MIPOL1: variants seen among roughly 807,000 people sequenced by gnomAD.
MIPOL1 encodes the protein mirror-image polydactyly 1.
MIPOL1 carries 57 observed loss-of-function variants against 60.9 expected under a neutral mutation model. That is an observed-to-expected ratio of 0.94 (90% CI 0.76 to 1.17). The LOEUF is 1.17. Ranked by LOEUF, MIPOL1 falls within the 50% of genes most tolerant of loss-of-function variation. MIPOL1 has a pLI of 0.00. For synonymous variants in MIPOL1, 179 were observed against 168.8 expected (o/e 1.06, Z -0.47); for missense variants, 551 against 511.6 (o/e 1.08, Z -0.74).
chr14:37,258,220 A>C (rs1418847832), intron 3 of MIPOL1, among the ~76,000 whole-genome samples: 2 of 152,134 alleles, frequency 1.3e-5, no homozygotes, highest in Non-Finnish European at 2.9e-5. Context: ...GCACATATAA[A>C]GAAAGTTTGT....
intron 11 of MIPOL1, among the ~76,000 whole-genome samples, chr14:37,469,415 A>G (rs1333060363): frequency 6.6e-6 from 1 of 152,120 alleles, no homozygotes; most frequent in East Asian, 1.9e-4. Context: ...GTGGTACTAA[A>G]CCATTCATGA....
intron 11 of MIPOL1, among the ~76,000 whole-genome samples, chr14:37,476,863 A>G (rs1181313951): frequency 8.2e-6 from 1 of 121,352 alleles, no homozygotes; most frequent in Admixed American, 7.8e-5. Context: ...ATCTATGTTT[A>G]CTGGTTTGTA....
intron 10 of MIPOL1, among the ~76,000 whole-genome samples, chr14:37,385,144 T>A (rs2093030369): frequency 6.6e-6 from 1 of 152,086 alleles, no homozygotes; most frequent in Non-Finnish European, 1.5e-5. Context: ...GATTTTGCTT[T>A]AAGAACTAAA....
chr14:37,353,754 C>G (rs1031907985), intron 9 of MIPOL1, among the ~76,000 whole-genome samples: 21 of 152,094 alleles, frequency 1.4e-4, no homozygotes, highest in Non-Finnish European at 2.5e-4. Context: ...GTGGTGATAT[C>G]CAGTTTATCA....
intron 2 of MIPOL1, 96 bp from the exon 3 acceptor site, chr14:37,247,728 AACCAT>A: frequency 1.7e-6 from 1 of 592,824 alleles, no homozygotes; most frequent in Non-Finnish European, 2.9e-6. Context: ...TGTTTTAGAA[AACCAT>A]TTATCCTGTA....
At chr14:37,435,930 A>G (rs944685998) in intron 11 of MIPOL1, among the ~76,000 whole-genome samples, 1 of 152,202 alleles carries the variant, frequency 6.6e-6, no homozygotes, top group African/African-American at 2.4e-5. Flanking sequence ...ATTTATGACA[A>G]TGTGGTTAAT....
intron 10 of MIPOL1, among the ~76,000 whole-genome samples, chr14:37,394,508 T>C (rs2093334175): frequency 6.6e-6 from 1 of 152,152 alleles, no homozygotes; most frequent in South Asian, 2.1e-4. Context: ...ATTTCCTTGA[T>C]CATTAGTTAT....
At chr14:37,493,774 A>G (rs2095079356) in intron 11 of MIPOL1, among the ~76,000 whole-genome samples, 1 of 152,226 alleles carries the variant, frequency 6.6e-6, no homozygotes, top group Non-Finnish European at 1.5e-5. Context: ...AATAGTTAAC[A>G]TCCTATGTGG....
intron 9 of MIPOL1, among the ~76,000 whole-genome samples, chr14:37,345,448 T>A (rs2090881482): frequency 6.6e-6 from 1 of 152,216 alleles, no homozygotes; most frequent in Admixed American, 6.5e-5. Flanking sequence ...CTCAATAATT[T>A]TATTTGTTCA....
chr14:37,488,020 C>G (rs990457574), intron 11 of MIPOL1, among the ~76,000 whole-genome samples: 17 of 152,172 alleles, frequency 1.1e-4, no homozygotes, highest in Non-Finnish European at 2.2e-4. Context: ...CCCAGAGTTT[C>G]TGGTACATTG....
chr14:37,214,442 A>G (rs1267226325), intron 1 of MIPOL1, among the ~76,000 whole-genome samples: 18 of 152,178 alleles, frequency 1.2e-4, no homozygotes, highest in Admixed American at 6.5e-5. Context: ...TGCAAGCCTC[A>G]TTGTGGGCGG....
intron 11 of MIPOL1, among the ~76,000 whole-genome samples, chr14:37,489,662 G>GTTGATC (rs2095015830): frequency 1.3e-5 from 2 of 152,292 alleles, no homozygotes; most frequent in Middle Eastern, 3.4e-3. Context: ...TGATGTTGAT[G>GTTGATC]CTATCCCTTT....
At chr14:37,509,704 TG>T (rs1320075500) in intron 12 of MIPOL1, among the ~76,000 whole-genome samples, 2 of 56,500 alleles carry the variant, frequency 3.5e-5, no homozygotes, top group Non-Finnish European at 6.2e-5. Flanking sequence ...GTGATATATA[TG>T]TATGTTTATG....
intron 10 of MIPOL1, chr14:37,385,694 A>C (rs1366212960): frequency 6.6e-6 from 1 of 152,046 alleles, no homozygotes; most frequent in Non-Finnish European, 1.5e-5. Flanking sequence ...TAATCTATAC[A>C]TTATACTATA....
At chr14:37,294,510 G>A (rs8004202) in intron 7 of MIPOL1, among the ~76,000 whole-genome samples, 46,018 of 151,980 alleles carry the variant, frequency 0.3, 7,215 homozygotes, top group East Asian at 0.46. Context: ...AAACTAGTCC[G>A]AGCTAAAGGA....
At chr14:37,257,119 G>GTA (rs1441066260) in intron 3 of MIPOL1, among the ~76,000 whole-genome samples, 1 of 151,202 alleles carries the variant, frequency 6.6e-6, no homozygotes, top group Admixed American at 6.6e-5. Context: ...GTGTGTGTGT[G>GTA]TGTGTGTGTG....
chr14:37,531,180 G>C (rs1158905061), intron 12 of MIPOL1, among the ~76,000 whole-genome samples: 1 of 152,116 alleles, frequency 6.6e-6, no homozygotes, highest in Non-Finnish European at 1.5e-5. Context: ...ACAATGAATA[G>C]TTGTAAATCT....
chr14:37,439,982 A>T (rs1426844144), intron 11 of MIPOL1, among the ~76,000 whole-genome samples: 1 of 152,080 alleles, frequency 6.6e-6, no homozygotes, highest in Non-Finnish European at 1.5e-5. Flanking sequence ...CTGGGACTAC[A>T]AGCTCACGCC....
At chr14:37,368,830 A>T (rs942929048) in intron 9 of MIPOL1, among the ~76,000 whole-genome samples, 1 of 152,070 alleles carries the variant, frequency 6.6e-6, no homozygotes, top group Non-Finnish European at 1.5e-5. Flanking sequence ...CTATTGGCTC[A>T]TTGAAACTTT....
Sources: gnomAD v4.1 joint callset for allele counts (sites outside exome capture counted in the v4.1 genomes callset) on GRCh38, gnomAD v4.1.1 for gene constraint, MANE v1.5 for transcripts, NCBI Gene and HGNC (gene_info 2026-07-23, HGNC 2026-07-21) for gene names.